The following OPCML variants were observed in gnomAD, a reference collection of about 807,000 sequenced individuals.
OPCML encodes the protein opioid binding protein/cell adhesion molecule like.
Under a neutral mutation model 37.8 loss-of-function variants are expected in OPCML, and 13 were observed. The observed-to-expected ratio is 0.34, with a 90% CI of 0.22 to 0.55. The LOEUF (loss-of-function observed/expected upper bound fraction) is 0.55, where lower values mean the gene tolerates loss of function less well. Among genes scored for constraint, OPCML ranks in the 20% least tolerant of loss-of-function variants. OPCML has a pLI of 0.91. For missense variants in OPCML, 341 were observed against 435.6 expected, an observed-to-expected ratio of 0.78 and a Z score of 1.93; for synonymous variants, 176 against 168.8, an observed-to-expected ratio of 1.04 and a Z score of -0.33.
rs1393152688 is a variant in OPCML at position 133,056,256 on chromosome 11, T to G, written c.62-113246A>C. 2.6e-5 allele frequency among the ~76,000 whole-genome samples: 4 copies of G among 152,246 alleles called. No homozygotes were observed. The East Asian group carries it at 7.7e-4, about 29-fold the overall frequency. On this transcript the variant is annotated intron_variant, in intron 1 of 7. Coordinates refer to ENST00000524381, the MANE Select transcript of OPCML (RefSeq NM_001012393.5). The stretch of plus-strand genomic sequence containing the variant: ...TAAACATCTGATGTAAAATTGATTG[T>G]AATTTCATAAACTACTGTGTGGCCC...
intron 7 of OPCML, 44 bp downstream of exon 7, chr11:132,436,042 C>T (rs1481100596): frequency 5.0e-6 from 8 of 1,592,002 alleles, no homozygotes; most frequent in Non-Finnish European, 6.8e-6. Context: ...CCTCAAGCTT[C>T]CCCATGTGGC....
chr11:133,334,143 T>C lies in OPCML; in HGVS notation c.61+198121A>G, dbSNP rs1479235192. 1.2e-4 allele frequency among the ~76,000 whole-genome samples: 18 copies of C among 152,182 alleles called. 1 individual carries two copies. In the East Asian group the frequency reaches 3.5e-3, roughly 29 times the overall value. ...TCAACCCAGCAATCCCATTACTGGG[T>C]ATATACCCAGAGGAATATAAAGCAT... On this transcript the variant is annotated intron_variant, in intron 1 of 7. Transcript: ENST00000524381.
intron 2 of OPCML, among the ~76,000 whole-genome samples, chr11:132,751,735 G>A (rs1414777653): frequency 6.6e-6 from 1 of 152,168 alleles, no homozygotes; most frequent in Non-Finnish European, 1.5e-5. Flanking sequence ...GGCATCCAAA[G>A]CCCTATGCTC....
At chr11:132,723,803 G>A (rs525471) in intron 2 of OPCML, among the ~76,000 whole-genome samples, 116,291 of 152,098 alleles carry the variant, frequency 0.76, 45,096 homozygotes, top group East Asian at 0.9. Context: ...CACAATTTAT[G>A]AAATTATTTC....
chr11:133,334,134 A>C (rs904137159), intron 1 of OPCML, among the ~76,000 whole-genome samples: 1 of 152,248 alleles, frequency 6.6e-6, no homozygotes, highest in Non-Finnish European at 1.5e-5. Context: ...CAGCAATCCC[A>C]TTACTGGGTA....
chr11:132,468,194 T>A (rs755362981), intron 4 of OPCML, among the ~76,000 whole-genome samples: 4 of 152,196 alleles, frequency 2.6e-5, no homozygotes, highest in Non-Finnish European at 5.9e-5. Context: ...TTCTTCAACC[T>A]ATGTGAATGG....
chr11:132,627,094 A>G (rs1444152488), intron 3 of OPCML, among the ~76,000 whole-genome samples: 1 of 152,110 alleles, frequency 6.6e-6, no homozygotes, highest in South Asian at 2.1e-4. Context: ...TTTAGTAGCA[A>G]ACGAGAGGGA....
At chr11:132,920,274 C>T (rs1308581400) in intron 2 of OPCML, among the ~76,000 whole-genome samples, 1 of 152,180 alleles carries the variant, frequency 6.6e-6, no homozygotes, top group Non-Finnish European at 1.5e-5. Flanking sequence ...GAGTCTAACG[C>T]AGTGACACTT....
intron 1 of OPCML, among the ~76,000 whole-genome samples, chr11:133,104,300 C>T (rs560411350): frequency 9.8e-5 from 15 of 152,312 alleles, no homozygotes; most frequent in African/African-American, 2.9e-4. Context: ...ATAAATTCCT[C>T]CCCATCCCTT....
chr11:133,307,348 A>C (rs1421004128), intron 1 of OPCML, among the ~76,000 whole-genome samples: 2 of 152,160 alleles, frequency 1.3e-5, no homozygotes, highest in African/African-American at 2.4e-5. Context: ...CTGGTCATGC[A>C]TATGGCCAAA....
chr11:132,589,948 C>T (rs1028928368), intron 3 of OPCML, among the ~76,000 whole-genome samples: 8 of 152,288 alleles, frequency 5.3e-5, no homozygotes, highest in Non-Finnish European at 8.8e-5. Flanking sequence ...TTAAACAACA[C>T]TTGAACATGT....
chr11:132,895,201 T>C (rs1943793347), intron 2 of OPCML, among the ~76,000 whole-genome samples: 1 of 152,186 alleles, frequency 6.6e-6, no homozygotes, highest in Non-Finnish European at 1.5e-5. Context: ...AATAGGTACA[T>C]TTGGTACTTT....
At chr11:132,476,253 T>A (rs1164846265) in intron 4 of OPCML, among the ~76,000 whole-genome samples, 1 of 152,302 alleles carries the variant, frequency 6.6e-6, no homozygotes, top group Non-Finnish European at 1.5e-5. Context: ...GACTGTAAAC[T>A]AGTTCAACCA....
At chr11:132,820,853 C>T (rs1043795570) in intron 2 of OPCML, among the ~76,000 whole-genome samples, 1 of 152,138 alleles carries the variant, frequency 6.6e-6, no homozygotes, top group Admixed American at 6.5e-5. Flanking sequence ...TTCCCCGCAC[C>T]TCCTCCCCGA....
rs147143992 is a variant in OPCML, at chr11:132,709,708, A to G, written c.147-52389T>C. Among the ~76,000 whole-genome samples, 268 of 152,308 alleles carry G rather than the reference A, an allele frequency of 1.8e-3. 1 individual carries two copies. The highest frequency in any genetic ancestry group is 5.8e-3 in the African/African-American group (240 of 41,568). On this transcript the variant is annotated intron_variant, in intron 2 of 7. Coordinates refer to ENST00000524381, the MANE Select transcript of OPCML (RefSeq NM_001012393.5). ...TTCCATGCTCTATTCATGAGATGAT[A>G]GCCACTAACTACAGCCCGCACTCAA...
Position 133,008,587 on chromosome 11 carries a change from G to A in OPCML, c.62-65577C>T, listed in dbSNP as rs887512256. 18 of 281,554 alleles carry A rather than the reference G, an allele frequency of 6.4e-5. No individual in the cohort carries two copies. The East Asian group carries it at 1.4e-3, about 22-fold the overall frequency. 17.4% of individuals were successfully genotyped at this position (281,554 alleles called of 1,614,324 possible). ...TCAGTGGACAAAAGCTGCCTCATTC[G>A]AGGTCACTCCACTTTACAGGGACAG... On this transcript the variant is annotated intron_variant, in intron 1 of 7. Coordinates refer to ENST00000524381, the MANE Select transcript of OPCML (RefSeq NM_001012393.5).
intron 3 of OPCML, among the ~76,000 whole-genome samples, chr11:132,640,758 G>GGAAA (rs1487001095): frequency 2.0e-5 from 3 of 151,840 alleles, no homozygotes; most frequent in Admixed American, 6.6e-5. Context: ...TTGGCAAGTG[G>GGAAA]GAAAGCCTGA....
intron 3 of OPCML, among the ~76,000 whole-genome samples, chr11:132,562,165 C>A (rs762905549): frequency 6.6e-6 from 1 of 152,078 alleles, no homozygotes; most frequent in Non-Finnish European, 1.5e-5. Flanking sequence ...AAAATGAGGG[C>A]CTGGCAACAC....
intron 1 of OPCML, among the ~76,000 whole-genome samples, chr11:133,123,231 C>T (rs945929663): frequency 2.6e-5 from 4 of 152,136 alleles, no homozygotes; most frequent in African/African-American, 7.2e-5. Context: ...TCAGCCAGCT[C>T]ATTTGGGTGA....
Sources: gnomAD v4.1 joint callset for allele counts (sites outside exome capture counted in the v4.1 genomes callset) on GRCh38, gnomAD v4.1.1 for gene constraint, MANE v1.5 for transcripts, NCBI Gene and HGNC (gene_info 2026-07-23, HGNC 2026-07-21) for gene names.